MDFIC2: variants seen among roughly 807,000 people sequenced by gnomAD.
MDFIC2 encodes the protein MyoD family inhibitor domain containing 2.
chr3:70,230,818 G>C (rs1034468986), intron 2 of MDFIC2, among the ~76,000 whole-genome samples: 1 of 152,150 alleles, frequency 6.6e-6, no homozygotes, highest in Non-Finnish European at 1.5e-5. Flanking sequence ...TCAAATCTCA[G>C]GATGTTCATG....
rs1360420533 is a variant in MDFIC2 at position 70,290,383 on chromosome 3, G to T, written c.88+21503C>A. Among the ~76,000 whole-genome samples, 3 of 152,350 alleles carry T rather than the reference G, an allele frequency of 2.0e-5. No homozygotes were observed. The East Asian group carries it at 5.8e-4, about 29-fold the overall frequency. On this transcript the variant is annotated intron_variant, in intron 2 of 3. Coordinates refer to ENST00000567252, the MANE Select transcript of MDFIC2 (RefSeq NM_001364677.1). ...CAGTTAGGCTGCTCGGGGGCCAGGG[G>T]TCAGGGACCCACTTGAGGAGGCAGT...
At position 70,196,592 on chromosome 3, in the gene MDFIC2, T is replaced by G. The variant is rs1255005324; in HGVS notation, c.*334A>C. On this transcript the variant is annotated 3_prime_UTR_variant, in exon 4 of 4. Coordinates refer to ENST00000567252, the MANE Select transcript of MDFIC2 (RefSeq NM_001364677.1). ...TTTGTGAATGAGGTTGAATCCATAA[T>G]GCAAGCTGATGAGTGCAATAACGCA... is the stretch of plus-strand genomic sequence containing the variant. 6.6e-6 allele frequency among the ~76,000 whole-genome samples: 1 copy of G among 152,220 alleles called. No homozygotes were observed. The highest frequency in any genetic ancestry group is 1.5e-5 in the Non-Finnish European group (1 of 68,038).
At chr3:70,273,220 G>A (rs2106673729) in intron 2 of MDFIC2, among the ~76,000 whole-genome samples, 1 of 152,306 alleles carries the variant, frequency 6.6e-6, no homozygotes, top group African/African-American at 2.4e-5. Context: ...GTGAATGTTT[G>A]TCCCCAGAGA....
At chr3:70,307,016 T>G (rs1304432225) in intron 2 of MDFIC2, among the ~76,000 whole-genome samples, 3 of 152,040 alleles carry the variant, frequency 2.0e-5, no homozygotes, top group South Asian at 2.1e-4. Flanking sequence ...AATAGAGAGA[T>G]AGAGAGAAAA....
intron 2 of MDFIC2, among the ~76,000 whole-genome samples, chr3:70,250,787 C>T (rs1296425832): frequency 6.6e-6 from 1 of 152,096 alleles, no homozygotes; most frequent in African/African-American, 2.4e-5. Context: ...TTTGGATTTA[C>T]AGACATAAAC....
At chr3:70,306,771 C>T (rs1184745913) in intron 2 of MDFIC2, among the ~76,000 whole-genome samples, 1 of 151,960 alleles carries the variant, frequency 6.6e-6, no homozygotes, top group East Asian at 1.9e-4. Flanking sequence ...AATAAAATGT[C>T]CCACTAAAAC....
intron 2 of MDFIC2, among the ~76,000 whole-genome samples, chr3:70,227,547 A>G (rs1047007637): frequency 1.3e-5 from 2 of 152,236 alleles, no homozygotes; most frequent in Non-Finnish European, 2.9e-5. Flanking sequence ...AGTGGGCTGA[A>G]TGAAGGAAAC....
chr3:70,260,413 A>G (rs796654526), intron 2 of MDFIC2, among the ~76,000 whole-genome samples: 3 of 152,246 alleles, frequency 2.0e-5, no homozygotes, highest in African/African-American at 7.2e-5. Flanking sequence ...ATTTCCAAAT[A>G]AAGTCTCATT....
rs538281557 is a variant in MDFIC2, at chr3:70,305,229, T to C, written c.88+6657A>G. ...GGGCATATTTTCACATCTTTTTTTT[T>C]CCGTCGGCTATGCTTAAAAACAAAA... is the stretch of plus-strand genomic sequence containing the variant. On this transcript the variant is annotated intron_variant, in intron 2 of 3. Coordinates refer to ENST00000567252, the MANE Select transcript of MDFIC2 (RefSeq NM_001364677.1). 7.5e-4 allele frequency among the ~76,000 whole-genome samples: 115 copies of C among 152,336 alleles called. 1 individual carries two copies. Among genetic ancestry groups the C allele is most frequent in the African/African-American group, 2.6e-3 (110 of 41,580 alleles).
rs563863327 is a variant in MDFIC2 at position 70,305,418 on chromosome 3, A to G, written c.88+6468T>C. On this transcript the variant is annotated intron_variant, in intron 2 of 3. Transcript: ENST00000567252. Reference sequence around the variant, plus strand: ...AGATATGCTATTTGGGAAGTTAACAATTTAAAATAAGCATTAGTGTGGCTT... The same window carrying G: ...AGATATGCTATTTGGGAAGTTAACAGTTTAAAATAAGCATTAGTGTGGCTT... Among the ~76,000 whole-genome samples, 7 of 152,344 alleles carry G rather than the reference A, an allele frequency of 4.6e-5. No individual in the cohort carries two copies. The East Asian group carries it at 7.7e-4, about 17-fold the overall frequency.
At chr3:70,309,699 T>C (rs1261726236) in intron 2 of MDFIC2, among the ~76,000 whole-genome samples, 2 of 152,196 alleles carry the variant, frequency 1.3e-5, no homozygotes, top group African/African-American at 4.8e-5. Context: ...AAGACATTTA[T>C]GTTTGAAAAC....
At chr3:70,220,090 G>A (rs542025825) in intron 2 of MDFIC2, among the ~76,000 whole-genome samples, 2 of 152,208 alleles carry the variant, frequency 1.3e-5, no homozygotes, top group South Asian at 4.2e-4. Context: ...AGAAATAACT[G>A]TTCCTGAAGC....
intron 2 of MDFIC2, among the ~76,000 whole-genome samples, chr3:70,290,107 C>G (rs1168628038): frequency 1.3e-5 from 2 of 152,232 alleles, no homozygotes; most frequent in South Asian, 2.1e-4. Flanking sequence ...TGGTGAGGAG[C>G]TGCGTTCCTT....
intron 2 of MDFIC2, among the ~76,000 whole-genome samples, chr3:70,252,352 C>A (rs1051481082): frequency 2.6e-5 from 4 of 152,238 alleles, no homozygotes; most frequent in African/African-American, 9.6e-5. Context: ...ATAGGTGTCA[C>A]CCCATTTGCT....
chr3:70,245,305 C>T (rs1042008953), intron 2 of MDFIC2, among the ~76,000 whole-genome samples: 1 of 151,910 alleles, frequency 6.6e-6, no homozygotes, highest in African/African-American at 2.4e-5. Context: ...TTTTGGATAA[C>T]ATTTTCCTCT....
intron 2 of MDFIC2, among the ~76,000 whole-genome samples, chr3:70,230,476 C>T (rs541626497): frequency 2.8e-5 from 4 of 142,736 alleles, no homozygotes; most frequent in East Asian, 4.2e-4. Context: ...ATTATTGTTA[C>T]ATTAGACAAA....
At chr3:70,221,427 G>C (rs1701459364) in intron 2 of MDFIC2, among the ~76,000 whole-genome samples, 1 of 152,092 alleles carries the variant, frequency 6.6e-6, no homozygotes, top group Admixed American at 6.6e-5. Context: ...TTACTAAACT[G>C]GTAAAGATTA....
intron 2 of MDFIC2, among the ~76,000 whole-genome samples, chr3:70,252,059 T>C (rs1252216228): frequency 6.6e-6 from 1 of 152,218 alleles, no homozygotes; most frequent in Non-Finnish European, 1.5e-5. Flanking sequence ...GAGTTTCTCC[T>C]GTTATTATTA....
intron 2 of MDFIC2, among the ~76,000 whole-genome samples, chr3:70,286,725 T>C (rs543654785): frequency 9.5e-4 from 144 of 152,228 alleles, no homozygotes; most frequent in African/African-American, 3.3e-3. Context: ...TTTATCCTCT[T>C]TTATTTCCTT....
Sources: allele counts gnomAD v4.1 joint callset (sites outside exome capture counted in the v4.1 genomes callset), GRCh38; gene constraint gnomAD v4.1.1; transcripts MANE v1.5; gene names NCBI Gene and HGNC (gene_info 2026-07-23, HGNC 2026-07-21).